RNMT: variants seen among roughly 807,000 people sequenced by gnomAD.
RNMT encodes mRNA cap guanine-N(7) methyltransferase.
RNMT carries 27 observed loss-of-function variants against 56.0 expected under a neutral mutation model. That is an observed-to-expected ratio of 0.48 (90% confidence interval 0.36 to 0.67). The LOEUF (loss-of-function observed/expected upper bound fraction) is 0.67, where lower values mean the gene tolerates loss of function less well. Ranked by LOEUF, RNMT falls within the 30% of genes least tolerant of loss-of-function variation. The probability of loss-of-function intolerance (pLI) is 0.00; values close to 1 mark genes in which losing one functional copy is unlikely to be tolerated. For synonymous variants in RNMT, 184 were observed against 176.2 expected (o/e 1.04, Z -0.35); for missense variants, 519 against 552.1 (o/e 0.94, Z 0.60).
At chr18:13,727,727 T>G (rs918130769) in intron 1 of RNMT, among the ~76,000 whole-genome samples, 5 of 152,202 alleles carry the variant, frequency 3.3e-5, no homozygotes, top group African/African-American at 4.8e-5. Context: ...CATTAACCAA[T>G]TTCTCTTCTT....
chr18:13,751,833 C>T (rs1344133584), intron 9 of RNMT, among the ~76,000 whole-genome samples: 2 of 152,098 alleles, frequency 1.3e-5, no homozygotes, highest in Non-Finnish European at 2.9e-5. Context: ...GTGGATGAAG[C>T]TGAAAACCAT....
Position 13,742,570 on chromosome 18 carries a change from T to A in RNMT, c.1057T>A (p.Leu353Ile), listed in dbSNP as rs2044268684. The change falls in exon 8 of 12, where the codon TTA (leucine) becomes ATA (isoleucine). Residue 353 changes from leucine (L) to isoleucine (I), a missense_variant. By Grantham distance (5) the Leu-to-Ile change is conservative. Transcript: ENST00000383314. ...VKFQKKGDYP[L>I]FGCKYDFNLE... ...ATTTCAGAAGAAAGGAGATTATCCT[T>A]TATTTGGCTGCAAATATGACTTCAA... is the stretch of plus-strand genomic sequence containing the variant. 6.2e-7 allele frequency: 1 copy of A among 1,613,576 alleles called. No homozygotes were observed. Among genetic ancestry groups the A allele is most frequent in the Non-Finnish European group, 8.5e-7 (1 of 1,179,766 alleles).
chr18:13,760,065 T>G lies in RNMT; in HGVS notation c.*86T>G. ...TCTCGATATATTTGATATTTCTCTG[T>G]CTGTTGATTTTAATTCTAAATGTGC... On this transcript the variant is annotated 3_prime_UTR_variant, in exon 12 of 12. Coordinates refer to ENST00000383314, the MANE Select transcript of RNMT (RefSeq NM_003799.3). The G allele has an allele frequency of 6.5e-7, 1 of 1,537,808 alleles. No individual in the cohort carries two copies. The highest frequency in any genetic ancestry group is 8.8e-7 in the Non-Finnish European group (1 of 1,138,766).
At chr18:13,749,790 T>C (rs2044410702) in intron 9 of RNMT, among the ~76,000 whole-genome samples, 1 of 152,094 alleles carries the variant, frequency 6.6e-6, no homozygotes, top group African/African-American at 2.4e-5. Context: ...TGACACCATC[T>C]TGGCATCTTG....
intron 3 of RNMT, among the ~76,000 whole-genome samples, chr18:13,733,362 G>A (rs1008396977): frequency 6.6e-6 from 1 of 152,096 alleles, no homozygotes; most frequent in Non-Finnish European, 1.5e-5. Flanking sequence ...CACTAACGCT[G>A]CACATAGCCT....
intron 3 of RNMT, among the ~76,000 whole-genome samples, chr18:13,733,344 A>G (rs955487445): frequency 3.3e-5 from 5 of 152,196 alleles, no homozygotes; most frequent in Non-Finnish European, 5.9e-5. Context: ...CATTATTATA[A>G]TAGAAATCAC....
Position 13,760,303 on chromosome 18 carries a change from A to C in RNMT, c.*324A>C. The C allele has an allele frequency of 1.9e-6, 2 of 1,065,728 alleles. No homozygotes were observed. Among genetic ancestry groups the C allele is most frequent in the Non-Finnish European group, 2.3e-6 (2 of 880,276 alleles). The allele number at this position is 1,065,728 out of a possible 1,614,324, so 66.0% of individuals were successfully genotyped here. A position where few individuals can be genotyped will look rare whatever the true frequency, so the allele number is the denominator to read the frequency against. On this transcript the variant is annotated 3_prime_UTR_variant, in exon 12 of 12. Coordinates refer to ENST00000383314, the MANE Select transcript of RNMT (RefSeq NM_003799.3). ...CAACTAAACTCTTTCCACAGTGTTC[A>C]GATTTGTCCTGTGTGTGTTTACAGT... is the stretch of plus-strand genomic sequence containing the variant.
In RNMT at chr18:13,762,978, C is replaced by T. The variant is rs2044638139; in HGVS notation, c.*2999C>T. ...AAAACTGACTTTCTGTTGTCTACCTCAGGCCTTGTGCATTTGGGTTATCTC... is the reference window on the plus strand; with the variant it reads ...AAAACTGACTTTCTGTTGTCTACCTTAGGCCTTGTGCATTTGGGTTATCTC... On this transcript the variant is annotated 3_prime_UTR_variant, in exon 12 of 12. Coordinates refer to ENST00000383314, the MANE Select transcript of RNMT (RefSeq NM_003799.3). 2.4e-6 allele frequency: 1 copy of T among 423,642 alleles called. No homozygotes were observed. Among genetic ancestry groups the T allele is most frequent in the South Asian group, 1.7e-5 (1 of 60,350 alleles). The allele number at this position is 423,642 out of a possible 1,614,324, so 26.2% of individuals were successfully genotyped here.
intron 9 of RNMT, among the ~76,000 whole-genome samples, chr18:13,746,765 T>C (rs1413637712): frequency 6.6e-6 from 1 of 152,204 alleles, no homozygotes; most frequent in African/African-American, 2.4e-5. Context: ...GTGGACAAAA[T>C]TGCCCCAAGT....
Position 13,754,155 on chromosome 18 carries a change from T to C in RNMT, c.1393+8T>C. Reference sequence around the variant, plus strand: ...CAGAATGGGAAGCTACAAGTGAGTATATCATCAGCATAGATTAACTGATAA... The same window carrying C: ...CAGAATGGGAAGCTACAAGTGAGTACATCATCAGCATAGATTAACTGATAA... On this transcript the variant is annotated splice_region_variant and intron_variant, in intron 11 of 11. Coordinates refer to ENST00000383314, the MANE Select transcript of RNMT (RefSeq NM_003799.3). 1 of 1,557,976 alleles carries C rather than the reference T, an allele frequency of 6.4e-7. No homozygotes were observed. The highest frequency in any genetic ancestry group is 8.8e-7 in the Non-Finnish European group (1 of 1,131,186).
chr18:13,752,981 T>C (rs950551276), intron 10 of RNMT, among the ~76,000 whole-genome samples: 3 of 152,384 alleles, frequency 2.0e-5, no homozygotes, highest in South Asian at 4.1e-4. Context: ...CTTGTTATTA[T>C]AGTTAATGGT....
chr18:13,746,616 C>T (rs1289141111), intron 9 of RNMT, among the ~76,000 whole-genome samples: 2 of 152,156 alleles, frequency 1.3e-5, no homozygotes, highest in African/African-American at 2.4e-5. Context: ...CTGGATAATG[C>T]CTTGCTGTGG....
At chr18:13,752,080 TG>T (rs1341132312) in intron 9 of RNMT, among the ~76,000 whole-genome samples, 4 of 152,086 alleles carry the variant, frequency 2.6e-5, no homozygotes, top group Non-Finnish European at 5.9e-5. Flanking sequence ...GTAATAAACC[TG>T]AACGATTTGC....
chr18:13,741,330 G>A (rs552024175), intron 6 of RNMT, among the ~76,000 whole-genome samples, 180 bp from the exon 7 acceptor site: 1 of 152,242 alleles, frequency 6.6e-6, no homozygotes, highest in East Asian at 1.9e-4. Context: ...CTGTGAAAGT[G>A]GGAATCAAAT....
At chr18:13,727,706 T>G (rs988489971) in intron 1 of RNMT, among the ~76,000 whole-genome samples, 1 of 152,232 alleles carries the variant, frequency 6.6e-6, no homozygotes, top group African/African-American at 2.4e-5. Flanking sequence ...TCTTCTGGGG[T>G]TTTTTGTACC....
At chr18:13,756,340 ACT>A (rs1226030318) in intron 11 of RNMT, among the ~76,000 whole-genome samples, 1 of 152,052 alleles carries the variant, frequency 6.6e-6, no homozygotes, top group Non-Finnish European at 1.5e-5. Flanking sequence ...TGAAAATCAG[ACT>A]CTAGCATGTT....
chr18:13,759,958 T>C lies in RNMT; in HGVS notation c.1410T>C (p.Phe470=). Residue 470 remains phenylalanine (F), a synonymous_variant, in exon 12 of 12, where the codon TTT becomes TTC. Transcript: ENST00000383314. ...CTTCTTTAGGTATTTACTTGGTGTT[T>C]GCCTTTGAGAAACAGCAGTGAGCAC... is the stretch of plus-strand genomic sequence containing the variant. ...EWEATSIYLV[F]AFEKQQ 6.2e-7 allele frequency: 1 copy of C among 1,613,362 alleles called. No individual in the cohort carries two copies. The highest frequency in any genetic ancestry group is 2.2e-5 in the East Asian group (1 of 44,870).
At chr18:13,742,971 GTT>G (rs375539841) in intron 8 of RNMT, 82 of 143,322 alleles carry the variant, frequency 5.7e-4, no homozygotes, top group Middle Eastern at 3.2e-3. Context: ...AATAGCAAAA[GTT>G]TTTTTTTTTT....
At chr18:13,754,079 A>G (rs752994811) in intron 10 of RNMT, 35 bp from the exon 11 acceptor site, 18 of 1,248,144 alleles carry the variant, frequency 1.4e-5, no homozygotes, top group East Asian at 7.0e-5. Context: ...TCCATATTGA[A>G]TCTAAAATTT....
Sources: gnomAD v4.1 joint callset for allele counts (sites outside exome capture counted in the v4.1 genomes callset) on GRCh38, gnomAD v4.1.1 for gene constraint, MANE v1.5 for transcripts, NCBI Gene and HGNC (gene_info 2026-07-23, HGNC 2026-07-21) for gene names.